Variants in KIAA0825 observed in about 807,000 individuals in gnomAD.
KIAA0825 encodes the protein uncharacterized protein KIAA0825.
Under a neutral mutation model 147.6 loss-of-function variants are expected in KIAA0825, and 119 were observed. The observed-to-expected ratio is 0.81, with a 90% CI of 0.69 to 0.94. KIAA0825 has a LOEUF of 0.94. KIAA0825 is among the 40% of genes least tolerant of loss of function. The probability of loss-of-function intolerance (pLI) is 0.00; values close to 1 mark genes in which losing one functional copy is unlikely to be tolerated. For synonymous variants in KIAA0825, 470 were observed against 518.1 expected (o/e 0.91, Z 1.26); for missense variants, 1,381 against 1,472.7 (o/e 0.94, Z 1.02).
chr5:94,577,369 G>T (rs887907491), intron 2 of KIAA0825, among the ~76,000 whole-genome samples: 7 of 152,164 alleles, frequency 4.6e-5, no homozygotes, highest in Admixed American at 3.9e-4. Context: ...AGAGGACAAT[G>T]TTGCAAAAAT....
intron 20 of KIAA0825, among the ~76,000 whole-genome samples, chr5:94,376,344 C>T (rs902393285): frequency 2.0e-5 from 3 of 152,080 alleles, no homozygotes; most frequent in Non-Finnish European, 2.9e-5. Context: ...ATGTAATGTC[C>T]GTGACCTTGG....
chr5:94,390,013 G>C (rs1250369714), intron 18 of KIAA0825, among the ~76,000 whole-genome samples: 4 of 152,068 alleles, frequency 2.6e-5, no homozygotes, highest in Admixed American at 2.6e-4. Context: ...AAAATGTGGT[G>C]GTATCCCAGT....
chr5:94,296,111 G>T (rs1778119791), intron 20 of KIAA0825, among the ~76,000 whole-genome samples: 1 of 152,214 alleles, frequency 6.6e-6, no homozygotes, highest in Non-Finnish European at 1.5e-5. Flanking sequence ...TGCTCAGAGA[G>T]GAGGAATCTA....
intron 5 of KIAA0825, 64 bp from the exon 6 acceptor site, chr5:94,484,994 G>T (rs1762883601): frequency 2.7e-6 from 3 of 1,129,316 alleles, no homozygotes; most frequent in East Asian, 2.8e-5. Context: ...ATATTAGAAT[G>T]ATCTGTGTGA....
chr5:94,564,967 C>CT (rs1209341920), intron 2 of KIAA0825, among the ~76,000 whole-genome samples: 18 of 118,672 alleles, frequency 1.5e-4, no homozygotes, highest in Middle Eastern at 4.1e-3. Flanking sequence ...CTTTTCTTTT[C>CT]TTTTTCTTCT....
At chr5:94,284,579 A>G (rs1777586897) in intron 20 of KIAA0825, among the ~76,000 whole-genome samples, 1 of 152,128 alleles carries the variant, frequency 6.6e-6, no homozygotes, top group South Asian at 2.1e-4. Flanking sequence ...ATTTCTACCT[A>G]GTACAAACTT....
chr5:94,581,007 A>AT (rs1389730478), intron 2 of KIAA0825, among the ~76,000 whole-genome samples: 1 of 151,696 alleles, frequency 6.6e-6, no homozygotes, highest in Non-Finnish European at 1.5e-5. Flanking sequence ...AAAACTCTGC[A>AT]TAACAATGCT....
intron 2 of KIAA0825, among the ~76,000 whole-genome samples, chr5:94,573,103 G>C (rs555451036): frequency 2.7e-5 from 4 of 146,034 alleles, no homozygotes; most frequent in Admixed American, 6.8e-5. Flanking sequence ...TCAGAAAAGC[G>C]GGACAACTCA....
intron 20 of KIAA0825, among the ~76,000 whole-genome samples, chr5:94,285,954 A>G (rs1777650976): frequency 6.6e-6 from 1 of 152,198 alleles, no homozygotes; most frequent in African/African-American, 2.4e-5. Context: ...CAAAAACTGC[A>G]AAAGTCACAT....
chr5:94,191,170 C>T (rs993223126), intron 20 of KIAA0825, among the ~76,000 whole-genome samples: 9 of 152,160 alleles, frequency 5.9e-5, no homozygotes, highest in Admixed American at 4.6e-4. Flanking sequence ...CTTGTAGGTA[C>T]CTCATTATGT....
chr5:94,592,413 G>A (rs981252037), intron 1 of KIAA0825, among the ~76,000 whole-genome samples: 9 of 152,068 alleles, frequency 5.9e-5, no homozygotes, highest in South Asian at 2.1e-4. Context: ...TGCTGCTCTC[G>A]CTGGGCATTT....
chr5:94,471,372 C>T, intron 9 of KIAA0825, 94 bp downstream of exon 9: 2 of 1,299,342 alleles, frequency 1.5e-6, no homozygotes, highest in Non-Finnish European at 2.1e-6. Flanking sequence ...TTTTCTCTTT[C>T]TCAAATCTTA....
At chr5:94,296,790 C>T (rs1412612276) in intron 20 of KIAA0825, among the ~76,000 whole-genome samples, 1 of 152,122 alleles carries the variant, frequency 6.6e-6, no homozygotes, top group Non-Finnish European at 1.5e-5. Flanking sequence ...AAATCACCTG[C>T]CTTCTGCATT....
intron 17 of KIAA0825, among the ~76,000 whole-genome samples, chr5:94,392,791 A>G (rs775598850): frequency 1.8e-4 from 27 of 152,358 alleles, no homozygotes; most frequent in Non-Finnish European, 2.8e-4. Context: ...TTGCTTCCAC[A>G]TGTATCTTCA....
At chr5:94,527,203 A>C (rs980463072) in intron 3 of KIAA0825, among the ~76,000 whole-genome samples, 6 of 152,072 alleles carry the variant, frequency 3.9e-5, no homozygotes, top group African/African-American at 1.4e-4. Flanking sequence ...CTTACTTCCA[A>C]AAAGGCTGAG....
intron 4 of KIAA0825, among the ~76,000 whole-genome samples, chr5:94,522,069 C>G (rs1007487670): frequency 4.6e-5 from 7 of 151,824 alleles, no homozygotes; most frequent in African/African-American, 1.7e-4. Flanking sequence ...AGTATTTATA[C>G]AAACATTTCC....
chr5:94,557,370 G>A (rs545588174), intron 2 of KIAA0825, among the ~76,000 whole-genome samples: 6 of 151,766 alleles, frequency 4.0e-5, no homozygotes, highest in Middle Eastern at 3.4e-3. Flanking sequence ...TCAAGGTACT[G>A]GGCTTATGGA....
At chr5:94,534,650 A>C (rs2151319017) in intron 3 of KIAA0825, among the ~76,000 whole-genome samples, 1 of 152,270 alleles carries the variant, frequency 6.6e-6, no homozygotes, top group African/African-American at 2.4e-5. Context: ...TTTTTAATGC[A>C]AAATACAATG....
intron 20 of KIAA0825, among the ~76,000 whole-genome samples, chr5:94,363,174 CT>C (rs70978103): frequency 0.21 from 27,996 of 135,014 alleles, 3,485 homozygotes; most frequent in African/African-American, 0.39. Flanking sequence ...AACCAGTTTT[CT>C]TTTTTTTTTT....
Sources: gnomAD v4.1 joint callset for allele counts (sites outside exome capture counted in the v4.1 genomes callset) on GRCh38, gnomAD v4.1.1 for gene constraint, MANE v1.5 for transcripts, NCBI Gene and HGNC (gene_info 2026-07-23, HGNC 2026-07-21) for gene names.